Variants in ANP32E observed in about 807,000 individuals in gnomAD.
ANP32E encodes the protein acidic leucine-rich nuclear phosphoprotein 32 family member E.
A neutral mutation model predicts 35.3 loss-of-function variants in ANP32E; 14 were observed. The observed-to-expected ratio is 0.40, with a 90% confidence interval of 0.26 to 0.62. The LOEUF (loss-of-function observed/expected upper bound fraction) is 0.62, where lower values mean the gene tolerates loss of function less well. ANP32E is among the 20% of genes least tolerant of loss of function. The pLI, the probability that ANP32E is intolerant of heterozygous loss-of-function variation, is 0.45. For missense variants in ANP32E, 198 were observed against 304.4 expected, an observed-to-expected ratio of 0.65 and a Z score of 2.60; for synonymous variants, 89 against 110.4, an observed-to-expected ratio of 0.81 and a Z score of 1.22.
At chr1:150,223,301 T>C in intron 5 of ANP32E, 61 bp from the exon 6 acceptor site, 1 of 1,505,800 alleles carries the variant, frequency 6.6e-7, no homozygotes, top group Non-Finnish European at 9.0e-7. Context: ...CACTCTTTCT[T>C]GTAATATATT....
At chr1:150,229,302 T>A in intron 3 of ANP32E, 65 bp from the exon 4 acceptor site, 1 of 961,702 alleles carries the variant, frequency 1.0e-6, no homozygotes, top group East Asian at 2.8e-5. Flanking sequence ...TTTTTTCTTT[T>A]TTTTTTTTTT....
chr1:150,224,009 T>C (rs1251960966), intron 5 of ANP32E, among the ~76,000 whole-genome samples: 2 of 151,962 alleles, frequency 1.3e-5, no homozygotes, highest in East Asian at 3.9e-4. Flanking sequence ...CCTCCCAAAA[T>C]GGTGAGATTA....
At position 150,233,158 on chromosome 1, in the gene ANP32E, G is replaced by A. The variant is rs781817010; in HGVS notation, c.55-1232C>T. ...TGGGCACCTGTAATGCCAGCTACTC[G>A]GGAAGTTGAGGCAGGAGAATCACTT... is the stretch of plus-strand genomic sequence containing the variant. On this transcript the variant is annotated intron_variant, in intron 1 of 6. Coordinates refer to ENST00000583931, the MANE Select transcript of ANP32E (RefSeq NM_030920.5). Among the ~76,000 whole-genome samples, 20 of 151,244 alleles carry A rather than the reference G, an allele frequency of 1.3e-4. 1 individual carries two copies. The highest frequency in any genetic ancestry group is 6.8e-3 in the Middle Eastern group (2 of 292).
chr1:150,223,374 G>C, intron 5 of ANP32E, 134 bp from the exon 6 acceptor site: 1 of 1,258,566 alleles, frequency 7.9e-7, no homozygotes, highest in Non-Finnish European at 1.1e-6. Flanking sequence ...TTCTTATAAA[G>C]GTCCTTTTTA....
At chr1:150,230,746 CTTTT>C in intron 2 of ANP32E, 53 bp from the exon 3 acceptor site, 2 of 1,238,164 alleles carry the variant, frequency 1.6e-6, no homozygotes, top group Non-Finnish European at 2.2e-6. Context: ...TCATATCAAA[CTTTT>C]TTTTTTTTTG....
At chr1:150,225,109 A>G (rs1648758362) in intron 5 of ANP32E, among the ~76,000 whole-genome samples, 1 of 152,224 alleles carries the variant, frequency 6.6e-6, no homozygotes, top group Non-Finnish European at 1.5e-5. Flanking sequence ...GAGAGCTTCA[A>G]TGATGAGGCA....
chr1:150,227,283 A>G (rs1553840373), intron 4 of ANP32E, among the ~76,000 whole-genome samples: 1 of 152,220 alleles, frequency 6.6e-6, no homozygotes, highest in African/African-American at 2.4e-5. Flanking sequence ...TCTACCAAAA[A>G]GACACATGCA....
At chr1:150,223,895 G>A (rs1257694690) in intron 5 of ANP32E, among the ~76,000 whole-genome samples, 1 of 151,620 alleles carries the variant, frequency 6.6e-6, no homozygotes, top group Non-Finnish European at 1.5e-5. Context: ...ACAGGCATGC[G>A]CCACCACGCC....
chr1:150,235,604 C>T lies in ANP32E; in HGVS notation c.54+129G>A. 1 of 986,802 alleles carries T rather than the reference C, an allele frequency of 1.0e-6. No homozygotes were observed. Among genetic ancestry groups the T allele is most frequent in the South Asian group, 1.6e-5 (1 of 61,830 alleles). 61.1% of individuals were successfully genotyped at this position (986,802 alleles called of 1,614,324 possible). On this transcript the variant is annotated intron_variant, in intron 1 of 6. Transcript: ENST00000583931. This position sits in a 1 kb window ranked among gnomAD's most constrained non-coding sequence, Gnocchi z 4.2. ...TTAAAACTTAAAATTAAACATTTCC[C>T]CAACCCTAACCCGGGGGGATGGGGG...
Position 150,226,701 on chromosome 1 carries a change from C to T in ANP32E, c.588G>A (p.Glu196=). 6.3e-7 allele frequency: 1 copy of T among 1,579,056 alleles called. No homozygotes were observed. The highest frequency in any genetic ancestry group is 8.7e-7 in the Non-Finnish European group (1 of 1,153,866). Residue 196 remains glutamate (E), a synonymous_variant, in exon 5 of 7, where the codon GAG becomes GAA. Coordinates refer to ENST00000583931, the MANE Select transcript of ANP32E (RefSeq NM_030920.5). ...CTTCATCTTCATCTTCATCCTCATC[C>T]TCATCCTCCTCTTCCTCTTCCTCCT... ...EEEEEEEEED[E]DEDEDEDEAG...
At chr1:150,228,721 C>G (rs1261638983) in intron 4 of ANP32E, among the ~76,000 whole-genome samples, 2 of 151,032 alleles carry the variant, frequency 1.3e-5, no homozygotes, top group African/African-American at 4.9e-5. Context: ...AAATTCCGTT[C>G]ATCAGTTGAT....
At chr1:150,231,213 GTAC>G (rs1649322294) in intron 2 of ANP32E, among the ~76,000 whole-genome samples, 1 of 152,148 alleles carries the variant, frequency 6.6e-6, no homozygotes, top group Non-Finnish European at 1.5e-5. Flanking sequence ...GATTCTAGTT[GTAC>G]TACATTTGGA....
chr1:150,224,276 A>G (rs2101766702), intron 5 of ANP32E, among the ~76,000 whole-genome samples: 1 of 152,248 alleles, frequency 6.6e-6, no homozygotes, highest in Admixed American at 6.5e-5. Context: ...TTTGTTCATT[A>G]AAAAAGGAAA....
chr1:150,227,779 A>G lies in ANP32E; in HGVS notation c.494-984T>C, dbSNP rs1038031603. Among the ~76,000 whole-genome samples, 13 of 102,832 alleles carry G rather than the reference A, an allele frequency of 1.3e-4. 1 individual carries two copies. Among genetic ancestry groups the G allele is most frequent in the Admixed American group, 3.3e-4 (3 of 9,028 alleles). The allele number at this position is 102,832 out of a possible 152,430, so 67.5% of individuals were successfully genotyped here. On this transcript the variant is annotated intron_variant, in intron 4 of 6. Coordinates refer to ENST00000583931, the MANE Select transcript of ANP32E (RefSeq NM_030920.5). The stretch of plus-strand genomic sequence containing the variant: ...TTATCTATCATTTCATCATTTTATA[A>G]CAGTATTTATCCATCAAATTTCTTT...
At position 150,219,455 on chromosome 1, in the gene ANP32E, T is replaced by C. The variant is rs1648170628; in HGVS notation, c.*1236A>G. On this transcript the variant is annotated 3_prime_UTR_variant, in exon 7 of 7. Transcript: ENST00000583931. ...CAAATACTTTTCCAGCTGCCTAGTATATTCCAATTAAATGCTATTATTATA... is the reference window on the plus strand; with the variant it reads ...CAAATACTTTTCCAGCTGCCTAGTACATTCCAATTAAATGCTATTATTATA... The C allele has an allele frequency of 6.6e-6, 1 of 152,226 alleles. No homozygotes were observed. The allele number at this position is 152,226 out of a possible 1,614,324, so 9.4% of individuals were successfully genotyped here. A position where few individuals can be genotyped will look rare whatever the true frequency, so the allele number is the denominator to read the frequency against.
Position 150,233,361 on chromosome 1 carries a change from A to G in ANP32E, c.55-1435T>C, listed in dbSNP as rs942057770. 3.3e-5 allele frequency among the ~76,000 whole-genome samples: 5 copies of G among 151,900 alleles called. No individual in the cohort carries two copies. In the South Asian group the frequency reaches 1.0e-3, roughly 32 times the overall value. On this transcript the variant is annotated intron_variant, in intron 1 of 6. Transcript: ENST00000583931. The stretch of plus-strand genomic sequence containing the variant: ...CTTCTCTTTGGTTGATAAAACCATC[A>G]TAACTCAAAAAATCCTCCTTACCCT...
chr1:150,223,696 A>C (rs1648626284), intron 5 of ANP32E, among the ~76,000 whole-genome samples: 1 of 145,620 alleles, frequency 6.9e-6, no homozygotes, highest in South Asian at 2.2e-4. Flanking sequence ...AAAAAAAAAA[A>C]AAAAACCTAA....
In ANP32E at chr1:150,235,696, G is replaced by A; in HGVS notation, c.54+37C>T. ...CAGAAATCCGATCCTCAGAATACTG[G>A]ACTGATGGGGAAGCGGTGGGGGCTG... is the stretch of plus-strand genomic sequence containing the variant. On this transcript the variant is annotated intron_variant, in intron 1 of 6. Coordinates refer to ENST00000583931, the MANE Select transcript of ANP32E (RefSeq NM_030920.5). This position sits in a 1 kb window ranked among gnomAD's most constrained non-coding sequence, Gnocchi z 4.2. 1 of 1,612,994 alleles carries A rather than the reference G, an allele frequency of 6.2e-7. No individual in the cohort carries two copies. The highest frequency in any genetic ancestry group is 8.5e-7 in the Non-Finnish European group (1 of 1,179,368).
rs1411674956 is a variant in ANP32E at position 150,234,603 on chromosome 1, C to G, written c.54+1130G>C. 5 of 985,610 alleles carry G rather than the reference C, an allele frequency of 5.1e-6. No homozygotes were observed. In the African/African-American group the frequency reaches 7.0e-5, roughly 14 times the overall value. The allele number at this position is 985,610 out of a possible 1,614,324, so 61.1% of individuals were successfully genotyped here. On this transcript the variant is annotated intron_variant, in intron 1 of 6. Transcript: ENST00000583931. Reference sequence around the variant, plus strand: ...CGTTCCAATTCTAGGCTTATTTCAGCAAGACTGATGCTTTCCTCTGCGAGG... The same window carrying G: ...CGTTCCAATTCTAGGCTTATTTCAGGAAGACTGATGCTTTCCTCTGCGAGG...
Sources: gnomAD v4.1 joint callset for allele counts (sites outside exome capture counted in the v4.1 genomes callset) on GRCh38, gnomAD v4.1.1 for gene constraint, Gnocchi (gnomAD v3.1) non-coding constraint, MANE v1.5 for transcripts, NCBI Gene and HGNC (gene_info 2026-07-23, HGNC 2026-07-21) for gene names.